Variants in TNN observed in about 807,000 individuals in gnomAD.
TNN encodes the protein tenascin N.
Under a neutral mutation model 134.4 loss-of-function variants are expected in TNN, and 122 were observed. The ratio of observed to expected loss-of-function variants is 0.91; its 90% CI spans 0.78 to 1.06. The LOEUF is 1.06. TNN is among the 50% of genes least tolerant of loss of function. The pLI is 0.00. For synonymous variants in TNN, 710 were observed against 670.3 expected (o/e 1.06, Z -0.91); for missense variants, 1,739 against 1,699.4 (o/e 1.02, Z -0.41).
chr1:175,094,621 A>G (rs1449035600), intron 7 of TNN, among the ~76,000 whole-genome samples: 1 of 152,238 alleles, frequency 6.6e-6, no homozygotes. Flanking sequence ...GGCACTTTGC[A>G]TATAATCTGG....
chr1:175,125,278 G>A (rs983732980), intron 12 of TNN, among the ~76,000 whole-genome samples: 15 of 152,104 alleles, frequency 9.9e-5, no homozygotes, highest in Middle Eastern at 3.4e-3. Flanking sequence ...GCCTGGAGAC[G>A]TCTTTTTGGG....
At chr1:175,085,176 C>A (rs1270237892) in intron 5 of TNN, among the ~76,000 whole-genome samples, 2 of 152,234 alleles carry the variant, frequency 1.3e-5, no homozygotes, top group African/African-American at 4.8e-5. Context: ...GCTGTCATCT[C>A]ATTTGCTGTG....
chr1:175,135,978 G>A, intron 16 of TNN, 37 bp downstream of exon 16: 2 of 1,473,194 alleles, frequency 1.4e-6, no homozygotes, highest in Non-Finnish European at 1.9e-6. Flanking sequence ...GGGCTGTGGG[G>A]GGTGATTTCT....
chr1:175,135,397 G>T (rs1675773379), intron 15 of TNN, among the ~76,000 whole-genome samples: 1 of 152,070 alleles, frequency 6.6e-6, no homozygotes, highest in African/African-American at 2.4e-5. Context: ...GCTATATTAA[G>T]AATCAGGTGA....
At chr1:175,133,650 T>C (rs1450669312) in intron 15 of TNN, among the ~76,000 whole-genome samples, 1 of 152,250 alleles carries the variant, frequency 6.6e-6, no homozygotes, top group African/African-American at 2.4e-5. Flanking sequence ...GGCCACTTTA[T>C]CTTTTCAGTT....
rs1211506598 is a variant in TNN, at chr1:175,103,899, C to T, written c.2119+5304C>T. Among the ~76,000 whole-genome samples, 8 of 145,282 alleles carry T rather than the reference C, an allele frequency of 5.5e-5. 1 individual carries two copies. The highest frequency in any genetic ancestry group is 1.2e-4 in the African/African-American group (5 of 40,198). ...TACCTCTTTGTGTTTTTTTGCATTA[C>T]GTGACTGTGCGGGCATTTTTTTGCC... On this transcript the variant is annotated intron_variant, in intron 9 of 18. Coordinates refer to ENST00000239462, the MANE Select transcript of TNN (RefSeq NM_022093.2).
Position 175,077,819 on chromosome 1 carries a change from G to C in TNN, c.401G>C (p.Gly134Ala), listed in dbSNP as rs772847898. Residue 134 changes from glycine (G) to alanine (A), a missense_variant, in exon 2 of 19, where the codon GGA (glycine) becomes GCA (alanine). Physicochemically the swap from Gly to Ala is moderately conservative, Grantham distance 60 (BLOSUM62 0). Coordinates refer to ENST00000239462, the MANE Select transcript of TNN (RefSeq NM_022093.2). ...TGTAGTGCCCAGCGCTGCTGCCAGG[G>C]AGTCACTGGTGAGCTCACCACCTGG... is the stretch of plus-strand genomic sequence containing the variant. ...EQCSAQRCCQGVTDLSRHCSG... is the reference protein window; with the variant it reads ...EQCSAQRCCQAVTDLSRHCSG... 2 of 1,609,804 alleles carry C rather than the reference G, an allele frequency of 1.2e-6. No homozygotes were observed. Among genetic ancestry groups the C allele is most frequent in the Non-Finnish European group, 1.7e-6 (2 of 1,176,418 alleles).
intron 11 of TNN, among the ~76,000 whole-genome samples, chr1:175,120,077 A>C (rs1373561929): frequency 6.6e-6 from 1 of 152,246 alleles, no homozygotes; most frequent in Non-Finnish European, 1.5e-5. Flanking sequence ...TATTTTGTAT[A>C]GGTTTGACCG....
chr1:175,136,070 T>G lies in TNN; in HGVS notation c.3427+129T>G, dbSNP rs1312958409. On this transcript the variant is annotated intron_variant, in intron 16 of 18. Transcript: ENST00000239462. Reference sequence around the variant, plus strand: ...CCAGTGGCAGGGAGACAGAGGACTGTGCCGAGCAGGGTGTTGGTGGGCATG... The same window carrying G: ...CCAGTGGCAGGGAGACAGAGGACTGGGCCGAGCAGGGTGTTGGTGGGCATG... 3 of 678,642 alleles carry G rather than the reference T, an allele frequency of 4.4e-6. No homozygotes were observed. The African/African-American group carries it at 5.4e-5, about 12-fold the overall frequency. 42.0% of individuals were successfully genotyped at this position (678,642 alleles called of 1,614,324 possible).
intron 11 of TNN, among the ~76,000 whole-genome samples, chr1:175,120,637 G>A (rs1675326631): frequency 6.6e-6 from 1 of 152,132 alleles, no homozygotes; most frequent in Non-Finnish European, 1.5e-5. Context: ...GCACATATCA[G>A]CCCTTCTCAT....
chr1:175,091,559 T>TTTA (rs1553314027), intron 6 of TNN, among the ~76,000 whole-genome samples: 15 of 141,688 alleles, frequency 1.1e-4, no homozygotes, highest in African/African-American at 3.1e-4. Flanking sequence ...TATTTATTAT[T>TTTA]TTTATTTATT....
At chr1:175,080,811 C>A (rs1674181469) in intron 4 of TNN, among the ~76,000 whole-genome samples, 1 of 152,152 alleles carries the variant, frequency 6.6e-6, no homozygotes. Flanking sequence ...TTAGATTCAT[C>A]TTCGTGGGAA....
intron 6 of TNN, 76 bp from the exon 7 acceptor site, chr1:175,093,914 T>C: frequency 6.7e-7 from 1 of 1,493,186 alleles, no homozygotes; most frequent in Non-Finnish European, 9.1e-7. Flanking sequence ...CCAGGTGAAC[T>C]AGATCTTTAA....
rs1462767021 is a variant in TNN, at chr1:175,067,901, A to G, written c.-70A>G. 3 of 496,076 alleles carry G rather than the reference A, an allele frequency of 6.0e-6. No homozygotes were observed. Among genetic ancestry groups the G allele is most frequent in the African/African-American group, 3.9e-5 (2 of 51,504 alleles). The allele number at this position is 496,076 out of a possible 1,614,324, so 30.7% of individuals were successfully genotyped here. A position where few individuals can be genotyped will look rare whatever the true frequency, so the allele number is the denominator to read the frequency against. On this transcript the variant is annotated 5_prime_UTR_variant, in exon 1 of 19. Coordinates refer to ENST00000239462, the MANE Select transcript of TNN (RefSeq NM_022093.2). ...CAGGAGGAGACCGGCTCACAGGAGC[A>G]GCAGCATTGGAAGAGGCACCCAGCA... is the stretch of plus-strand genomic sequence containing the variant.
chr1:175,106,705 G>A lies in TNN; in HGVS notation c.2119+8110G>A, dbSNP rs1003406709. 4.1e-5 allele frequency among the ~76,000 whole-genome samples: 6 copies of A among 146,112 alleles called. 1 individual carries two copies. The highest frequency in any genetic ancestry group is 1.2e-4 in the African/African-American group (5 of 40,536). On this transcript the variant is annotated intron_variant, in intron 9 of 18. Coordinates refer to ENST00000239462, the MANE Select transcript of TNN (RefSeq NM_022093.2). ...TCGCTTGGGCGACATGCTTTTGAGAGTTCCACTCATGGCCGCAGGGTCAAC... is the reference window on the plus strand; with the variant it reads ...TCGCTTGGGCGACATGCTTTTGAGAATTCCACTCATGGCCGCAGGGTCAAC...
At chr1:175,101,899 T>A (rs574321726) in intron 9 of TNN, among the ~76,000 whole-genome samples, 13 of 128,252 alleles carry the variant, frequency 1.0e-4, no homozygotes, top group Non-Finnish European at 2.2e-4. Context: ...TTTACAAACC[T>A]TGAGCTAGAT....
intron 9 of TNN, among the ~76,000 whole-genome samples, chr1:175,112,595 G>A (rs149640835): frequency 0.062 from 1,459 of 23,390 alleles, 35 homozygotes; most frequent in Middle Eastern, 0.27. Context: ...TCAGCCGGCC[G>A]ATCTTTTTTT....
intron 8 of TNN, among the ~76,000 whole-genome samples, chr1:175,098,101 A>G (rs1201422888): frequency 2.0e-5 from 3 of 152,198 alleles, no homozygotes; most frequent in African/African-American, 7.2e-5. Flanking sequence ...CGTTCCTCCA[A>G]CATTTTAGGG....
intron 9 of TNN, among the ~76,000 whole-genome samples, chr1:175,114,156 T>G (rs12082481): frequency 0.23 from 34,690 of 152,152 alleles, 4,467 homozygotes; most frequent in African/African-American, 0.35. Flanking sequence ...CATTGAGGTC[T>G]GTGTATCTGG....
Sources: gnomAD v4.1 joint callset for allele counts (sites outside exome capture counted in the v4.1 genomes callset) on GRCh38, gnomAD v4.1.1 for gene constraint, MANE v1.5 for transcripts, NCBI Gene and HGNC (gene_info 2026-07-23, HGNC 2026-07-21) for gene names.